Variants in OCIAD2 observed in about 807,000 individuals in gnomAD.
The protein encoded by OCIAD2 is OCIA domain-containing protein 2.
OCIAD2 carries 29 observed loss-of-function variants against 22.9 expected under a neutral mutation model. The observed-to-expected ratio is 1.27, with a 90% CI of 0.94 to 1.73. The LOEUF is 1.73. OCIAD2 is among the 40% of genes most tolerant of loss of function. The probability of loss-of-function intolerance (pLI) is 0.00; values close to 1 mark genes in which losing one functional copy is unlikely to be tolerated. For synonymous variants in OCIAD2, 67 were observed against 60.2 expected (o/e 1.11, Z -0.52); for missense variants, 189 against 180.3 (o/e 1.05, Z -0.28).
intron 4 of OCIAD2, 107 bp downstream of exon 4, chr4:48,897,697 T>C: frequency 2.4e-6 from 2 of 832,554 alleles, no homozygotes; most frequent in Non-Finnish European, 4.2e-6. Context: ...TCTGCATAAA[T>C]ACATCCTTCA....
intron 3 of OCIAD2, 120 bp from the exon 4 acceptor site, chr4:48,897,977 T>C (rs1781336788): frequency 1.4e-6 from 1 of 706,128 alleles, no homozygotes; most frequent in Admixed American, 2.7e-5. Flanking sequence ...TTTTTATTCA[T>C]TTGTTATTTT....
chr4:48,901,407 G>A (rs1413392285), intron 2 of OCIAD2, among the ~76,000 whole-genome samples: 3 of 152,060 alleles, frequency 2.0e-5, no homozygotes, highest in Non-Finnish European at 2.9e-5. Flanking sequence ...ACTCCTACCC[G>A]CAGGGCCTGA....
At chr4:48,899,595 G>A (rs1373221697) in intron 3 of OCIAD2, among the ~76,000 whole-genome samples, 1 of 152,134 alleles carries the variant, frequency 6.6e-6, no homozygotes, top group Non-Finnish European at 1.5e-5. Context: ...TCTTGGTAAA[G>A]GGAAGAGTTA....
intron 2 of OCIAD2, among the ~76,000 whole-genome samples, chr4:48,901,015 T>C (rs1781403382): frequency 6.6e-6 from 1 of 152,124 alleles, no homozygotes; most frequent in African/African-American, 2.4e-5. Flanking sequence ...CATTCTCCAC[T>C]CCTTCCCCTC....
In OCIAD2 at chr4:48,886,673, T is replaced by A. The variant is rs543659098; in HGVS notation, c.384-1108A>T. Among the ~76,000 whole-genome samples the A allele has an allele frequency of 3.9e-5, 6 of 152,296 alleles. No homozygotes were observed. The South Asian group carries it at 1.2e-3, about 32-fold the overall frequency. ...TGTCCCTACAAAGGACATGAACTCA[T>A]CCTTTTTTTATGGCTGCATAGTATT... On this transcript the variant is annotated intron_variant, in intron 6 of 6. Coordinates refer to ENST00000508632, the MANE Select transcript of OCIAD2 (RefSeq NM_001014446.3).
rs141238653 is a variant in OCIAD2 at position 48,904,483 on chromosome 4, C to A, written c.66+1G>T. On this transcript the variant is annotated splice_donor_variant, in intron 2 of 6. Transcript: ENST00000508632. LOFTEE classifies it high-confidence loss of function. ...ATCGATCAATAAATATAAAAGTATA[C>A]CTGCTTGCTTGGTGGTGGAAAATGG... 30 of 1,613,190 alleles carry A rather than the reference C, an allele frequency of 1.9e-5. No homozygotes were observed. The highest frequency in any genetic ancestry group is 2.4e-5 in the Non-Finnish European group (28 of 1,179,160).
At chr4:48,892,745 A>AATC in intron 6 of OCIAD2, 27 bp downstream of exon 6, 1 of 1,064,386 alleles carries the variant, frequency 9.4e-7, no homozygotes, top group East Asian at 2.4e-5. Flanking sequence ...ATTACATTAC[A>AATC]ATCCCTCAAC....
At chr4:48,887,695 T>C (rs2109664628) in intron 6 of OCIAD2, among the ~76,000 whole-genome samples, 1 of 152,336 alleles carries the variant, frequency 6.6e-6, no homozygotes, top group East Asian at 1.9e-4. Flanking sequence ...CATTGGTCTA[T>C]ATCTCTGTTT....
At chr4:48,897,904 A>T (rs1470266332) in intron 3 of OCIAD2, 47 bp from the exon 4 acceptor site, 1 of 1,375,576 alleles carries the variant, frequency 7.3e-7, no homozygotes, top group East Asian at 2.3e-5. Flanking sequence ...AAAAATTGGC[A>T]CCTCACCTAG....
chr4:48,901,217 C>T (rs1297776119), intron 2 of OCIAD2, among the ~76,000 whole-genome samples: 5 of 151,956 alleles, frequency 3.3e-5, no homozygotes, highest in Admixed American at 2.6e-4. Flanking sequence ...TTCATCTAGT[C>T]TGCTGCTTCT....
intron 6 of OCIAD2, among the ~76,000 whole-genome samples, chr4:48,891,675 T>G: frequency 6.6e-6 from 1 of 152,256 alleles, no homozygotes; most frequent in South Asian, 2.1e-4. Context: ...CTACTTTTTC[T>G]TTCTTTTCCT....
chr4:48,892,733 T>C, intron 6 of OCIAD2, 39 bp downstream of exon 6: 5 of 970,672 alleles, frequency 5.2e-6, no homozygotes, highest in African/African-American at 1.7e-5. Flanking sequence ...TAATTTCTTA[T>C]AATTACATTA....
intron 5 of OCIAD2, 83 bp from the exon 6 acceptor site, chr4:48,892,972 T>C (rs1230257968): frequency 2.9e-6 from 2 of 697,708 alleles, no homozygotes; most frequent in South Asian, 3.9e-5. Flanking sequence ...ACGCTGGTAA[T>C]TTTAAAATTA....
intron 4 of OCIAD2, among the ~76,000 whole-genome samples, chr4:48,896,685 G>A (rs1298072769): frequency 6.6e-6 from 1 of 152,050 alleles, no homozygotes; most frequent in African/African-American, 2.4e-5. Context: ...TATAATCCCA[G>A]GTACTCAGGA....
chr4:48,904,555 C>T lies in OCIAD2; in HGVS notation c.-6G>A. 3 of 1,613,956 alleles carry T rather than the reference C, an allele frequency of 1.9e-6. No individual in the cohort carries two copies. The highest frequency in any genetic ancestry group is 2.5e-6 in the Non-Finnish European group (3 of 1,179,896). On this transcript the variant is annotated 5_prime_UTR_variant, in exon 2 of 7. Transcript: ENST00000508632. ...CGAGCAGACGCTGAAGCCATGATGA[C>T]TTTGTGCTTGCTCTCCTTCCAGTTG...
chr4:48,905,615 T>C (rs1163635889), intron 1 of OCIAD2, among the ~76,000 whole-genome samples: 53 of 152,190 alleles, frequency 3.5e-4, no homozygotes, highest in Non-Finnish European at 1.5e-5. Context: ...GGCCACTGCA[T>C]TCTGCAGCCC....
chr4:48,885,054 C>A lies in OCIAD2; in HGVS notation c.*430G>T. 1 of 175,666 alleles carries A rather than the reference C, an allele frequency of 5.7e-6. No homozygotes were observed. The highest frequency in any genetic ancestry group is 1.2e-5 in the Non-Finnish European group (1 of 83,580). 10.9% of individuals were successfully genotyped at this position (175,666 alleles called of 1,614,324 possible). On this transcript the variant is annotated 3_prime_UTR_variant, in exon 7 of 7. Coordinates refer to ENST00000508632, the MANE Select transcript of OCIAD2 (RefSeq NM_001014446.3). ...AGGCTGGAGTGCAGTGGCACAATCT[C>A]TGCTCGCTGCAACTTTCGCCTCCTG...
rs1264379754 is a variant in OCIAD2, at chr4:48,893,995, C to T, written c.265+11G>A. On this transcript the variant is annotated intron_variant, in intron 5 of 6. Transcript: ENST00000508632. ...CCACACTTGGCTTGCTTTTTTATTTCTATGACTTACGTGCAACTTTGGGCA... is the reference window on the plus strand; with the variant it reads ...CCACACTTGGCTTGCTTTTTTATTTTTATGACTTACGTGCAACTTTGGGCA... 1 of 1,508,308 alleles carries T rather than the reference C, an allele frequency of 6.6e-7. No homozygotes were observed. The highest frequency in any genetic ancestry group is 8.9e-7 in the Non-Finnish European group (1 of 1,121,340). The allele number at this position is 1,508,308 out of a possible 1,614,324, so 93.4% of individuals were successfully genotyped here.
intron 6 of OCIAD2, among the ~76,000 whole-genome samples, chr4:48,888,379 T>C (rs1308450708): frequency 1.3e-5 from 2 of 152,180 alleles, no homozygotes; most frequent in Non-Finnish European, 2.9e-5. Flanking sequence ...CTATGTTGAA[T>C]AGGAGTGGTG....
Sources: allele counts gnomAD v4.1 joint callset (sites outside exome capture counted in the v4.1 genomes callset), GRCh38; gene constraint gnomAD v4.1.1; transcripts MANE v1.5; gene names NCBI Gene and HGNC (gene_info 2026-07-23, HGNC 2026-07-21).